Variants in RPGRIP1L observed in about 807,000 individuals in gnomAD.
RPGRIP1L encodes the protein RPGRIP1 like, also known as protein fantom.
Under a neutral mutation model 160.4 loss-of-function variants are expected in RPGRIP1L, and 131 were observed. That is an observed-to-expected ratio of 0.82 (90% confidence interval 0.71 to 0.94). RPGRIP1L has a LOEUF of 0.94. RPGRIP1L is among the 40% of genes least tolerant of loss of function. The pLI is 0.00. For synonymous variants in RPGRIP1L, 510 were observed against 515.8 expected, an observed-to-expected ratio of 0.99 and a Z score of 0.15; for missense variants, 1,522 against 1,535.8, an observed-to-expected ratio of 0.99 and a Z score of 0.15.
chr16:53,624,816 G>A (rs533808582), intron 22 of RPGRIP1L, among the ~76,000 whole-genome samples: 8 of 125,486 alleles, frequency 6.4e-5, no homozygotes, highest in Non-Finnish European at 1.1e-4. Flanking sequence ...TCCCTCTGTT[G>A]CCCAGGCTGG....
At chr16:53,625,504 G>A (rs1210562871) in intron 22 of RPGRIP1L, among the ~76,000 whole-genome samples, 3 of 144,738 alleles carry the variant, frequency 2.1e-5, no homozygotes, top group African/African-American at 5.2e-5. Flanking sequence ...CCCAGCGGCC[G>A]CCCCGTCTAG....
intron 6 of RPGRIP1L, among the ~76,000 whole-genome samples, chr16:53,683,669 C>A (rs1969770833): frequency 6.8e-6 from 1 of 146,990 alleles, no homozygotes; most frequent in Non-Finnish European, 1.5e-5. Context: ...ATACTATTCT[C>A]TACTTTTGAG....
chr16:53,658,486 C>T, intron 11 of RPGRIP1L, 22 bp from the exon 12 acceptor site: 1 of 1,573,924 alleles, frequency 6.4e-7, no homozygotes, highest in Non-Finnish European at 8.7e-7. Flanking sequence ...TAAGTAAAAG[C>T]TCACAATGAG....
Position 53,686,506 on chromosome 16 carries a change from G to A in RPGRIP1L, c.703C>T (p.Gln235Ter). Residue 235 changes from glutamine to a stop codon, truncating the protein, a stop_gained, in exon 6 of 27, where the codon CAG becomes TAG. Transcript: ENST00000647211. LOFTEE classifies it high-confidence loss of function. Reference sequence around the variant, plus strand: ...ATTTCATTTTCTTTTCTCCTCAACTGAGTTTTCAGGATCTCAGCCAAGTGC... The same window carrying A: ...ATTTCATTTTCTTTTCTCCTCAACTAAGTTTTCAGGATCTCAGCCAAGTGC... ...LEHLAEILKT[Q>*]LRRKENEIEL... 1 of 1,613,582 alleles carries A rather than the reference G, an allele frequency of 6.2e-7. No individual in the cohort carries two copies. Among genetic ancestry groups the A allele is most frequent in the Non-Finnish European group, 8.5e-7 (1 of 1,179,694 alleles).
chr16:53,625,326 C>T (rs1249098280), intron 22 of RPGRIP1L, among the ~76,000 whole-genome samples: 6 of 150,378 alleles, frequency 4.0e-5, no homozygotes, highest in African/African-American at 7.3e-5. Flanking sequence ...GGAGCGCCTC[C>T]GCGGCTGCCC....
chr16:53,602,032 G>T lies in RPGRIP1L; in HGVS notation c.*44C>A. The stretch of plus-strand genomic sequence containing the variant: ...AAATCTCATGTAGGAACTTTCATGT[G>T]AGCATTTACTGAGGAGTAGGAGATG... On this transcript the variant is annotated 3_prime_UTR_variant, in exon 27 of 27. Transcript: ENST00000647211. 1 of 1,112,452 alleles carries T rather than the reference G, an allele frequency of 9.0e-7. No homozygotes were observed. Among genetic ancestry groups the T allele is most frequent in the South Asian group, 1.3e-5 (1 of 79,264 alleles). The allele number at this position is 1,112,452 out of a possible 1,614,324, so 68.9% of individuals were successfully genotyped here.
At chr16:53,698,101 A>C (rs1970961637) in intron 2 of RPGRIP1L, among the ~76,000 whole-genome samples, 1 of 147,576 alleles carries the variant, frequency 6.8e-6, no homozygotes, top group African/African-American at 2.5e-5. Context: ...ACCCCATCTG[A>C]GAAGGGAGGA....
rs1970746922 is a variant in RPGRIP1L at position 53,696,230 on chromosome 16, C to T, written c.151G>A (p.Glu51Lys). 2 of 1,614,066 alleles carry T rather than the reference C, an allele frequency of 1.2e-6. No individual in the cohort carries two copies. Among genetic ancestry groups the T allele is most frequent in the South Asian group, 1.1e-5 (1 of 91,078 alleles). Residue 51 changes from glutamate (E) to lysine (K), a missense_variant, in exon 3 of 27, where the codon GAA (glutamate) becomes AAA (lysine). Physicochemically the swap from Glu to Lys is moderately conservative, Grantham distance 56. Coordinates refer to ENST00000647211, the MANE Select transcript of RPGRIP1L (RefSeq NM_015272.5). ...TCATGCAAACGCAAAAATCTGTCTT[C>T]CAGTTCCTCACGACTGACACGTGAC... The part of the protein sequence containing the change: ...AVSRVSREEL[E>K]DRFLRLHDEN...
chr16:53,643,532 C>T (rs1347919759), intron 17 of RPGRIP1L, among the ~76,000 whole-genome samples: 1 of 152,094 alleles, frequency 6.6e-6, no homozygotes, highest in Non-Finnish European at 1.5e-5. Context: ...ATCCTCCATG[C>T]CACACACTGA....
At chr16:53,695,858 G>A (rs1365472044) in intron 3 of RPGRIP1L, 2 of 327,152 alleles carry the variant, frequency 6.1e-6, no homozygotes, top group African/African-American at 4.3e-5. Context: ...TTGGCCATTT[G>A]CTTATTAAAC....
chr16:53,666,246 T>A (rs986818639), intron 9 of RPGRIP1L, among the ~76,000 whole-genome samples: 5 of 152,170 alleles, frequency 3.3e-5, no homozygotes, highest in African/African-American at 9.6e-5. Context: ...TTACTGCCTT[T>A]AAGATAACAT....
chr16:53,641,596 G>A, intron 17 of RPGRIP1L, 121 bp from the exon 18 acceptor site: 4 of 889,584 alleles, frequency 4.5e-6, no homozygotes, highest in East Asian at 2.6e-5. Context: ...AACTAGCCAG[G>A]TGGTTGTACC....
intron 3 of RPGRIP1L, chr16:53,695,193 T>G (rs1970661161): frequency 5.0e-6 from 3 of 598,238 alleles, no homozygotes; most frequent in South Asian, 4.2e-5. Context: ...TAGGTGGTCA[T>G]AGCAGACTAC....
intron 24 of RPGRIP1L, among the ~76,000 whole-genome samples, chr16:53,612,427 G>C (rs1279260638): frequency 1.3e-5 from 2 of 151,220 alleles, no homozygotes; most frequent in Non-Finnish European, 2.9e-5. Context: ...CTGGAAGATA[G>C]ACTTCGTTTT....
Position 53,602,134 on chromosome 16 carries a change from T to C in RPGRIP1L, c.3890A>G (p.Glu1297Gly), listed in dbSNP as rs771243025. ...GACAGACTGGAGGGCATGGAGAGCTTCGACTGTTACCCTGAGCTTGCCAAT... is the reference window on the plus strand; with the variant it reads ...GACAGACTGGAGGGCATGGAGAGCTCCGACTGTTACCCTGAGCTTGCCAAT... ...EGIGKLRVTV[E>G]ALHALQSVYK... The change falls in exon 27 of 27, where the codon GAA (glutamate) becomes GGA (glycine). Residue 1297 changes from glutamate to glycine, a missense_variant. Physicochemically the swap from Glu to Gly is moderately conservative, Grantham distance 98. Transcript: ENST00000647211. 5 of 1,613,972 alleles carry C rather than the reference T, an allele frequency of 3.1e-6. No individual in the cohort carries two copies. The African/African-American group carries it at 6.7e-5, about 22-fold the overall frequency.
chr16:53,638,988 T>C (rs1299785279), intron 19 of RPGRIP1L, among the ~76,000 whole-genome samples: 1 of 151,846 alleles, frequency 6.6e-6, no homozygotes, highest in Non-Finnish European at 1.5e-5. Flanking sequence ...GTTTTTTTTT[T>C]CTTCTTTGTA....
Position 53,658,471 on chromosome 16 carries a change from T to G in RPGRIP1L, c.1351-7A>C. ...CAGCATTAATATCATTCTCCTGCAA[T>G]AGATTAAGTAAAAGCTCACAATGAG... On this transcript the variant is annotated splice_polypyrimidine_tract_variant and splice_region_variant and intron_variant, in intron 11 of 26. Coordinates refer to ENST00000647211, the MANE Select transcript of RPGRIP1L (RefSeq NM_015272.5). 1 of 1,600,046 alleles carries G rather than the reference T, an allele frequency of 6.2e-7. No homozygotes were observed. The highest frequency in any genetic ancestry group is 8.6e-7 in the Non-Finnish European group (1 of 1,167,530).
At chr16:53,642,508 T>G (rs1341649794) in intron 17 of RPGRIP1L, among the ~76,000 whole-genome samples, 1 of 151,630 alleles carries the variant, frequency 6.6e-6, no homozygotes, top group East Asian at 1.9e-4. Flanking sequence ...GGTGATAAAC[T>G]TTTATAGGCA....
intron 23 of RPGRIP1L, among the ~76,000 whole-genome samples, chr16:53,621,749 G>A (rs1419621409): frequency 3.9e-5 from 6 of 152,126 alleles, no homozygotes; most frequent in African/African-American, 9.7e-5. Flanking sequence ...TAGGCCGGGC[G>A]CAGTGGCTCA....
Sources: gnomAD v4.1 joint callset for allele counts (sites outside exome capture counted in the v4.1 genomes callset) on GRCh38, gnomAD v4.1.1 for gene constraint, MANE v1.5 for transcripts, NCBI Gene and HGNC (gene_info 2026-07-23, HGNC 2026-07-21) for gene names.